Variants in FKBP5 observed in about 807,000 individuals in gnomAD.
FKBP5 encodes FKBP prolyl isomerase 5.
FKBP5 carries 23 observed loss-of-function variants against 50.5 expected under a neutral mutation model. The ratio of observed to expected loss-of-function variants is 0.46; its 90% confidence interval spans 0.33 to 0.65. The LOEUF (loss-of-function observed/expected upper bound fraction) is 0.65. Ranked by LOEUF, FKBP5 falls within the 30% of genes least tolerant of loss-of-function variation. The pLI is 0.02. For missense variants in FKBP5, 411 were observed against 553.1 expected (o/e 0.74, Z 2.58); for synonymous variants, 176 against 190.6 (o/e 0.92, Z 0.63).
Position 35,575,648 on chromosome 6 carries a change from C to T in FKBP5, c.*187G>A, listed in dbSNP as rs1359108810. 1 of 585,246 alleles carries T rather than the reference C, an allele frequency of 1.7e-6. No individual in the cohort carries two copies. Among genetic ancestry groups the T allele is most frequent in the Non-Finnish European group, 3.1e-6 (1 of 326,436 alleles). The allele number at this position is 585,246 out of a possible 1,614,324, so 36.3% of individuals were successfully genotyped here. ...TCCACCTGGAGTGGTCCCGTGCCAC[C>T]CCTCAGTGAACCCTCCGGGCAGCAG... On this transcript the variant is annotated 3_prime_UTR_variant, in exon 11 of 11. Transcript: ENST00000357266.
intron 5 of FKBP5, among the ~76,000 whole-genome samples, chr6:35,599,417 G>A (rs980507169): frequency 6.6e-6 from 1 of 152,212 alleles, no homozygotes; most frequent in Non-Finnish European, 1.5e-5. Context: ...CAGAAATGGT[G>A]TAGACACTAG....
rs186314081 is a variant in FKBP5, at chr6:35,702,717, G to A, written c.-20+17611C>T. Reference sequence around the variant, plus strand: ...TCCACCCGCCTCGGCCTTCCAAAGTGCTAGGATTACAGGCATGAGCCACCG... The same window carrying A: ...TCCACCCGCCTCGGCCTTCCAAAGTACTAGGATTACAGGCATGAGCCACCG... On this transcript the variant is annotated intron_variant, in intron 2 of 11. Transcript: ENST00000536438. 2.4e-4 allele frequency among the ~76,000 whole-genome samples: 37 copies of A among 152,148 alleles called. 1 individual carries two copies. Among genetic ancestry groups the A allele is most frequent in the African/African-American group, 8.4e-4 (35 of 41,534 alleles).
chr6:35,636,115 T>A (rs1350565288), intron 3 of FKBP5, among the ~76,000 whole-genome samples: 1 of 152,220 alleles, frequency 6.6e-6, no homozygotes, highest in Non-Finnish European at 1.5e-5. Context: ...AAATATTCAT[T>A]CTTAGTTATA....
intron 1 of FKBP5, among the ~76,000 whole-genome samples, chr6:35,649,449 GA>G (rs1047590803): frequency 1.5e-4 from 21 of 144,486 alleles, no homozygotes; most frequent in African/African-American, 5.2e-4. Context: ...TTTTTTTAAA[GA>G]AAAAAAATGC....
At chr6:35,624,851 T>C (rs190591360) in intron 3 of FKBP5, among the ~76,000 whole-genome samples, 2 of 152,260 alleles carry the variant, frequency 1.3e-5, no homozygotes, top group East Asian at 3.9e-4. Flanking sequence ...TGAACCAACG[T>C]GTTCAACTAT....
intron 1 of FKBP5, among the ~76,000 whole-genome samples, chr6:35,721,941 T>A (rs1766617707): frequency 6.6e-6 from 1 of 152,212 alleles, no homozygotes; most frequent in African/African-American, 2.4e-5. Flanking sequence ...CAAAGCTCTT[T>A]CTTGCCTTGA....
chr6:35,668,318 C>G (rs1423829656), intron 1 of FKBP5, among the ~76,000 whole-genome samples: 6 of 152,232 alleles, frequency 3.9e-5, no homozygotes, highest in African/African-American at 1.4e-4. Context: ...CCCTCTTAGG[C>G]TAGGCCCAGT....
chr6:35,673,076 G>A (rs527803589), intron 1 of FKBP5, among the ~76,000 whole-genome samples: 131 of 152,256 alleles, frequency 8.6e-4, no homozygotes, highest in African/African-American at 3.0e-3. Context: ...TTATATAAGA[G>A]AAAAAATTAC....
chr6:35,583,921 T>C, intron 8 of FKBP5: 1 of 985,424 alleles, frequency 1.0e-6, no homozygotes, highest in Non-Finnish European at 1.2e-6. Context: ...GCCCGATTTA[T>C]CTGAAGAGTT....
chr6:35,714,717 T>G (rs1766482176), intron 2 of FKBP5, among the ~76,000 whole-genome samples: 1 of 150,570 alleles, frequency 6.6e-6, no homozygotes, highest in Non-Finnish European at 1.5e-5. Context: ...CTTGGGAGGC[T>G]GAGGCATGAG....
intron 3 of FKBP5, among the ~76,000 whole-genome samples, chr6:35,636,530 G>C (rs550356632): frequency 6.6e-6 from 1 of 152,298 alleles, no homozygotes; most frequent in South Asian, 2.1e-4. Flanking sequence ...TGCTCTACAC[G>C]TGCTTCCCTT....
chr6:35,633,717 TG>T (rs1764231401), intron 3 of FKBP5, among the ~76,000 whole-genome samples: 1 of 152,288 alleles, frequency 6.6e-6, no homozygotes, highest in Non-Finnish European at 1.5e-5. Context: ...AGGGTCTCTT[TG>T]TGTTGGTATT....
chr6:35,629,359 G>C (rs1306003238), intron 3 of FKBP5, among the ~76,000 whole-genome samples: 1 of 152,156 alleles, frequency 6.6e-6, no homozygotes, highest in Non-Finnish European at 1.5e-5. Flanking sequence ...TCCTGCCTTG[G>C]CCTCCCAAAC....
At chr6:35,684,699 G>C (rs1370163879) in intron 1 of FKBP5, among the ~76,000 whole-genome samples, 1 of 152,010 alleles carries the variant, frequency 6.6e-6, no homozygotes, top group Non-Finnish European at 1.5e-5. Context: ...CCCTCTGGTG[G>C]ACCTTCACTT....
At chr6:35,692,276 G>T (rs749219591), upstream of FKBP5, among the ~76,000 whole-genome samples, 1 of 152,060 alleles carries the variant, frequency 6.6e-6, no homozygotes, top group East Asian at 1.9e-4. Flanking sequence ...CACCTTGCCC[G>T]AACTTATCAT....
At chr6:35,722,196 C>G (rs1766623888) in intron 1 of FKBP5, among the ~76,000 whole-genome samples, 1 of 151,760 alleles carries the variant, frequency 6.6e-6, no homozygotes. Flanking sequence ...TATGGCCTGT[C>G]CCCTTCCCAA....
rs186522188 is a variant in FKBP5, at chr6:35,584,492, T to C, written c.840+2542A>G. On this transcript the variant is annotated intron_variant, in intron 8 of 10. Coordinates refer to ENST00000357266, the MANE Select transcript of FKBP5 (RefSeq NM_004117.4). ...CTGTGCAAATGCATAACATGCCAAGTCAGACACCCTGGAAAGACAAGGCCC... is the reference window on the plus strand; with the variant it reads ...CTGTGCAAATGCATAACATGCCAAGCCAGACACCCTGGAAAGACAAGGCCC... 5,707 of 985,452 alleles carry C rather than the reference T, an allele frequency of 5.8e-3. 23 individuals are homozygous for C. The highest frequency in any genetic ancestry group is 7.2e-3 in the Admixed American group (118 of 16,288). The allele number at this position is 985,452 out of a possible 1,614,324, so 61.0% of individuals were successfully genotyped here. A position where few individuals can be genotyped will look rare whatever the true frequency, so the allele number is the denominator to read the frequency against.
intron 6 of FKBP5, among the ~76,000 whole-genome samples, chr6:35,594,905 A>G (rs1407152184): frequency 6.6e-6 from 1 of 152,248 alleles, no homozygotes; most frequent in African/African-American, 2.4e-5. Context: ...TTTATGCCTG[A>G]AAAGATCTGA....
intron 9 of FKBP5, among the ~76,000 whole-genome samples, chr6:35,578,378 G>C (rs1762295420): frequency 1.3e-5 from 2 of 152,068 alleles, no homozygotes; most frequent in African/African-American, 4.8e-5. Context: ...TTATAATCTT[G>C]GTGTGGGGAA....
Sources: allele counts gnomAD v4.1 joint callset (sites outside exome capture counted in the v4.1 genomes callset), GRCh38; gene constraint gnomAD v4.1.1; transcripts MANE v1.5; gene names NCBI Gene and HGNC (gene_info 2026-07-23, HGNC 2026-07-21).